Variants in ZNF804B observed in about 807,000 individuals in gnomAD.
ZNF804B encodes the protein zinc finger protein 804B, also known as zinc finger 804B.
In ZNF804B, 80 loss-of-function variants were observed where a neutral mutation model predicts 101.4. The observed-to-expected ratio is 0.79, with a 90% CI of 0.66 to 0.95. The LOEUF (loss-of-function observed/expected upper bound fraction) is 0.95. Ranked by LOEUF, ZNF804B falls within the 40% of genes least tolerant of loss-of-function variation. The pLI, the probability that ZNF804B is intolerant of heterozygous loss-of-function variation, is 0.00. For synonymous variants in ZNF804B, 622 were observed against 558.8 expected (o/e 1.11, Z -1.59); for missense variants, 1,673 against 1,561.9 (o/e 1.07, Z -1.20).
At chr7:88,833,053 T>G (rs1332368981) in intron 1 of ZNF804B, among the ~76,000 whole-genome samples, 2 of 151,984 alleles carry the variant, frequency 1.3e-5, no homozygotes, top group African/African-American at 4.8e-5. Context: ...TTTTATTGAA[T>G]GCTTTTATTT....
chr7:89,024,661 G>GA lies in ZNF804B; in HGVS notation c.109-193475dup, dbSNP rs67321242. 3.2e-3 allele frequency among the ~76,000 whole-genome samples: 222 copies of GA among 70,114 alleles called. 3 individuals are homozygous for GA. Among genetic ancestry groups the GA allele is most frequent in the African/African-American group, 9.0e-3 (147 of 16,272 alleles). 46.0% of individuals were successfully genotyped at this position (70,114 alleles called of 152,430 possible). Reference sequence around the variant, plus strand: ...CCTCTCAGAGAAGAGTATCATTCTTGAAAAAAAAAAAAAAAAAAAGATGTG... The same window carrying GA: ...CCTCTCAGAGAAGAGTATCATTCTTGAAAAAAAAAAAAAAAAAAAAGATGTG... On this transcript the variant is annotated intron_variant, in intron 1 of 3. Coordinates refer to ENST00000333190, the MANE Select transcript of ZNF804B (RefSeq NM_181646.5).
At chr7:88,961,880 AC>A (rs1793390117) in intron 1 of ZNF804B, among the ~76,000 whole-genome samples, 2 of 151,342 alleles carry the variant, frequency 1.3e-5, no homozygotes, top group South Asian at 4.1e-4. Context: ...CTGGTCTGAG[AC>A]ATATCTCCTA....
At chr7:88,767,321 C>G (rs1790000271) in intron 1 of ZNF804B, among the ~76,000 whole-genome samples, 1 of 152,134 alleles carries the variant, frequency 6.6e-6, no homozygotes, top group Non-Finnish European at 1.5e-5. Flanking sequence ...CTTCCCCTGC[C>G]CTTCTTCCCA....
intron 1 of ZNF804B, among the ~76,000 whole-genome samples, chr7:89,179,439 C>G (rs546472458): frequency 7.9e-5 from 12 of 151,972 alleles, no homozygotes; most frequent in African/African-American, 2.9e-4. Context: ...CTGATGCATT[C>G]TTCAGTATAG....
chr7:88,844,895 G>T (rs1032582381), intron 1 of ZNF804B, among the ~76,000 whole-genome samples: 1 of 152,118 alleles, frequency 6.6e-6, no homozygotes, highest in Non-Finnish European at 1.5e-5. Context: ...AGACCATTTT[G>T]TCTCTTGAAT....
chr7:88,794,591 C>T, intron 1 of ZNF804B: 1 of 1,613,578 alleles, frequency 6.2e-7, no homozygotes, highest in East Asian at 2.2e-5. Context: ...TCATCTTTGA[C>T]ATGGCCAATA....
At chr7:88,854,414 C>CTTTCTTTCTTCCTTCCTTCCTTT (rs1791502231) in intron 1 of ZNF804B, among the ~76,000 whole-genome samples, 2 of 57,076 alleles carry the variant, frequency 3.5e-5, no homozygotes, top group Non-Finnish European at 7.1e-5. Context: ...TTTCTTTCTT[C>CTTTCTTTCTTCCTTCCTTCCTTT]CTTTCTTTCT....
chr7:88,976,189 CT>C (rs1793613444), intron 1 of ZNF804B, among the ~76,000 whole-genome samples: 1 of 151,516 alleles, frequency 6.6e-6, no homozygotes, highest in African/African-American at 2.4e-5. Context: ...TAATGTAATT[CT>C]TCCGTTTTTG....
rs1054422307 is a variant in ZNF804B, at chr7:89,013,868, C to T, written c.109-204287C>T. ...TCCACATATGAATGAGAACATACAC[C>T]GTTTAACTTTCTGTTACCAGCTTAT... On this transcript the variant is annotated intron_variant, in intron 1 of 3. Coordinates refer to ENST00000333190, the MANE Select transcript of ZNF804B (RefSeq NM_181646.5). Among the ~76,000 whole-genome samples, 12 of 152,234 alleles carry T rather than the reference C, an allele frequency of 7.9e-5. No individual in the cohort carries two copies. The East Asian group carries it at 1.2e-3, about 15-fold the overall frequency.
intron 1 of ZNF804B, among the ~76,000 whole-genome samples, chr7:89,113,595 A>G (rs948843696): frequency 1.3e-5 from 2 of 152,160 alleles, no homozygotes; most frequent in Non-Finnish European, 2.9e-5. Context: ...CAGTCTCATT[A>G]TTTAGCTGGG....
Position 89,048,484 on chromosome 7 carries a change from G to A in ZNF804B, c.109-169671G>A, listed in dbSNP as rs550662439. Among the ~76,000 whole-genome samples, 3 of 151,804 alleles carry A rather than the reference G, an allele frequency of 2.0e-5. No homozygotes were observed. In the East Asian group the frequency reaches 5.8e-4, roughly 29 times the overall value. The stretch of plus-strand genomic sequence containing the variant: ...TCATGGTCTCTTTGTAGCCCAGTTG[G>A]CCAAGAGATGGTCTGTTCAGTTGGT... On this transcript the variant is annotated intron_variant, in intron 1 of 3. Transcript: ENST00000333190.
chr7:88,805,971 T>TC (rs1292693496), intron 1 of ZNF804B, among the ~76,000 whole-genome samples: 2 of 152,062 alleles, frequency 1.3e-5, no homozygotes, highest in Non-Finnish European at 2.9e-5. Context: ...TGCTTTTTTT[T>TC]TTTTTTCCTA....
rs570662180 is a variant in ZNF804B, at chr7:88,809,578, A to T, written c.108+49494A>T. Among the ~76,000 whole-genome samples the T allele has an allele frequency of 8.5e-5, 13 of 152,354 alleles. No individual in the cohort carries two copies. In the South Asian group the frequency reaches 2.3e-3, roughly 27 times the overall value. ...TGCTAGACTAATAATTTATAAATTG[A>T]TTTTAAAAACTTGAGGGTAAGTCAG... is the stretch of plus-strand genomic sequence containing the variant. On this transcript the variant is annotated intron_variant, in intron 1 of 3. Transcript: ENST00000333190.
intron 1 of ZNF804B, among the ~76,000 whole-genome samples, chr7:89,203,411 A>T (rs745572293): frequency 1.3e-5 from 2 of 152,214 alleles, no homozygotes; most frequent in African/African-American, 4.8e-5. Context: ...ATAGACAAGC[A>T]TAAGTAGTTT....
At chr7:88,867,229 A>G (rs1791739990) in intron 1 of ZNF804B, among the ~76,000 whole-genome samples, 1 of 152,214 alleles carries the variant, frequency 6.6e-6, no homozygotes, top group African/African-American at 2.4e-5. Context: ...ATTGGCTTAC[A>G]GTATTATGGA....
intron 1 of ZNF804B, among the ~76,000 whole-genome samples, chr7:88,974,897 A>G (rs1389198345): frequency 2.0e-5 from 3 of 151,256 alleles, no homozygotes; most frequent in Admixed American, 6.6e-5. Flanking sequence ...CTTTCTAACA[A>G]TATTTCTGTA....
intron 1 of ZNF804B, among the ~76,000 whole-genome samples, chr7:88,877,006 A>AAAAAAATATATAT: frequency 1.2e-5 from 1 of 84,266 alleles, no homozygotes; most frequent in South Asian, 3.6e-4. Context: ...TTGAAAAAAA[A>AAAAAAATATATAT]AATATATATA....
rs778532088 is a variant in ZNF804B, at chr7:89,335,190, A to G, written c.2208A>G (p.Arg736=). The G allele has an allele frequency of 6.2e-7, 1 of 1,613,920 alleles. No individual in the cohort carries two copies. Among genetic ancestry groups the G allele is most frequent in the Non-Finnish European group, 8.5e-7 (1 of 1,179,946 alleles). The change falls in exon 4 of 4, where the codon AGA becomes AGG. Residue 736 remains arginine, a synonymous_variant. Transcript: ENST00000333190. ...CSSHRFNGNS[R]GNLLCFHKRE... is the part of the protein sequence containing the mutation. ...GTCATAGATTCAATGGTAATAGCAG[A>G]GGTAATTTGCTCTGCTTCCATAAAA...
intron 2 of ZNF804B, among the ~76,000 whole-genome samples, chr7:89,279,685 C>T (rs1020936171): frequency 1.3e-5 from 2 of 152,164 alleles, no homozygotes; most frequent in African/African-American, 4.8e-5. Context: ...ACCAGCCTTG[C>T]ATCCCAGGGA....
Sources: allele counts gnomAD v4.1 joint callset (sites outside exome capture counted in the v4.1 genomes callset), GRCh38; gene constraint gnomAD v4.1.1; transcripts MANE v1.5; gene names NCBI Gene and HGNC (gene_info 2026-07-23, HGNC 2026-07-21).